The following ACP3 variants were observed in gnomAD, a reference collection of about 807,000 sequenced individuals.
The protein encoded by ACP3 is prostatic acid phosphatase.
A neutral mutation model predicts 45.6 loss-of-function variants in ACP3; 38 were observed. The ratio of observed to expected loss-of-function variants is 0.83; its 90% CI spans 0.64 to 1.09. The LOEUF (loss-of-function observed/expected upper bound fraction) is 1.09, where lower values mean the gene tolerates loss of function less well. ACP3 is among the 50% of genes least tolerant of loss of function. The pLI is 0.00. For missense variants in ACP3, 466 were observed against 463.2 expected (o/e 1.01, Z -0.05); for synonymous variants, 162 against 164.7 (o/e 0.98, Z 0.13).
intron 10 of ACP3, chr3:132,367,623 C>A: frequency 2.7e-6 from 3 of 1,118,120 alleles, no homozygotes; most frequent in African/African-American, 1.5e-5. Flanking sequence ...GCAATTAAGG[C>A]AGAAAGCAAC....
chr3:132,341,141 G>C (rs1937548607), intron 5 of ACP3, among the ~76,000 whole-genome samples: 1 of 151,942 alleles, frequency 6.6e-6, no homozygotes, highest in Non-Finnish European at 1.5e-5. Flanking sequence ...TCTTCCTTTT[G>C]CCTATTTGCA....
intron 7 of ACP3, among the ~76,000 whole-genome samples, chr3:132,347,276 G>A (rs2107810591): frequency 6.6e-6 from 1 of 152,298 alleles, no homozygotes; most frequent in East Asian, 1.9e-4. Context: ...CAAAAGCTCA[G>A]ACTATTATTC....
chr3:132,339,545 AC>A (rs57037341), intron 5 of ACP3, among the ~76,000 whole-genome samples: 5,520 of 152,316 alleles, frequency 0.036, 280 homozygotes, highest in African/African-American at 0.12. Flanking sequence ...TGGGGTTCCC[AC>A]AACTTCCTCT....
chr3:132,356,672 C>T lies in ACP3; in HGVS notation c.969-14C>T, dbSNP rs748905958. The T allele has an allele frequency of 8.7e-6, 14 of 1,613,458 alleles. No individual in the cohort carries two copies. Among genetic ancestry groups the T allele is most frequent in the Middle Eastern group, 1.8e-4 (1 of 5,660 alleles). On this transcript the variant is annotated splice_polypyrimidine_tract_variant and intron_variant, in intron 9 of 9. Transcript: ENST00000336375. ...AGAACTAACAGAGCTCTCTCCTCTG[C>T]CTTTGTCTGCCAGGGAGTACTTTGT...
chr3:132,341,565 T>C (rs922993722), intron 5 of ACP3, among the ~76,000 whole-genome samples: 6 of 152,248 alleles, frequency 3.9e-5, no homozygotes, highest in African/African-American at 1.2e-4. Context: ...ATTGAACTAA[T>C]AGTTTTATTT....
At chr3:132,348,922 G>A (rs1172240055) in intron 7 of ACP3, among the ~76,000 whole-genome samples, 1 of 149,330 alleles carries the variant, frequency 6.7e-6, no homozygotes, top group Non-Finnish European at 1.5e-5. Flanking sequence ...TAGCTGCTCA[G>A]TGTGTGTTTG....
At chr3:132,367,995 A>G in exon 11 of ACP3, 1 of 586,088 alleles carries the variant, frequency 1.7e-6, no homozygotes, top group Non-Finnish European at 3.1e-6. Flanking sequence ...CTGCTGGATG[A>G]ACACTCAGGC....
intron 8 of ACP3, among the ~76,000 whole-genome samples, chr3:132,351,890 T>A (rs2107814455): frequency 6.6e-6 from 1 of 152,346 alleles, no homozygotes; most frequent in African/African-American, 2.4e-5. Flanking sequence ...CACTCCCCTA[T>A]ACCTTCCAGC....
At chr3:132,340,201 G>A (rs1301249141) in intron 5 of ACP3, among the ~76,000 whole-genome samples, 1 of 151,802 alleles carries the variant, frequency 6.6e-6, no homozygotes, top group Non-Finnish European at 1.5e-5. Flanking sequence ...TGTAATCCCA[G>A]CTACTCAGGA....
At chr3:132,342,467 C>A in intron 5 of ACP3, 85 bp from the exon 6 acceptor site, 1 of 963,946 alleles carries the variant, frequency 1.0e-6, no homozygotes, top group Non-Finnish European at 1.6e-6. Flanking sequence ...CTCCCTACAA[C>A]AAACAATTGT....
chr3:132,331,627 C>T lies in ACP3; in HGVS notation c.217-20C>T, dbSNP rs1267750721. 1 of 1,555,600 alleles carries T rather than the reference C, an allele frequency of 6.4e-7. No homozygotes were observed. The highest frequency in any genetic ancestry group is 2.3e-5 in the East Asian group (1 of 43,450). On this transcript the variant is annotated intron_variant, in intron 2 of 9. Transcript: ENST00000336375. ...TAGAACTTACTTTCATTAATTTTTGCTTTTATTTTTTTCCCATAGCTGGGC... is the reference window on the plus strand; with the variant it reads ...TAGAACTTACTTTCATTAATTTTTGTTTTTATTTTTTTCCCATAGCTGGGC...
At position 132,337,660 on chromosome 3, in the gene ACP3, G is replaced by A. The variant is rs1937513292; in HGVS notation, c.555+106G>A. 1.4e-5 allele frequency: 9 copies of A among 662,268 alleles called. No individual in the cohort carries two copies. The South Asian group carries it at 1.4e-4, about 10-fold the overall frequency. The allele number at this position is 662,268 out of a possible 1,614,324, so 41.0% of individuals were successfully genotyped here. A position where few individuals can be genotyped will look rare whatever the true frequency, so the allele number is the denominator to read the frequency against. On this transcript the variant is annotated intron_variant, in intron 5 of 9. Coordinates refer to ENST00000336375, the MANE Select transcript of ACP3 (RefSeq NM_001099.5). ...CTTTGGCTTCTTAAAAAGATGGGAC[G>A]AATGCATCTGTCAGTGGCTGGTTAC...
intron 9 of ACP3, among the ~76,000 whole-genome samples, chr3:132,354,382 A>G (rs963220197): frequency 6.6e-6 from 1 of 152,158 alleles, no homozygotes; most frequent in African/African-American, 2.4e-5. Context: ...TTAAATCTAT[A>G]TTACAAATCA....
At chr3:132,321,787 G>A (rs947065580) in intron 1 of ACP3, among the ~76,000 whole-genome samples, 4 of 152,162 alleles carry the variant, frequency 2.6e-5, no homozygotes, top group Non-Finnish European at 4.4e-5. Context: ...TTGCTCAATA[G>A]GTAGTGCTCA....
chr3:132,339,237 G>C (rs894011297), intron 5 of ACP3, among the ~76,000 whole-genome samples: 2 of 115,458 alleles, frequency 1.7e-5, no homozygotes, highest in South Asian at 5.8e-4. Context: ...TTTTGTGTGT[G>C]AAAAAAAACA....
chr3:132,347,647 AT>A (rs939605365), intron 7 of ACP3, among the ~76,000 whole-genome samples: 1 of 151,468 alleles, frequency 6.6e-6, no homozygotes, highest in African/African-American at 2.4e-5. Context: ...GCCCAGCTAA[AT>A]TTTTTTTAAA....
intron 10 of ACP3, among the ~76,000 whole-genome samples, chr3:132,365,336 T>C (rs1440315108): frequency 2.6e-5 from 4 of 152,222 alleles, no homozygotes; most frequent in Non-Finnish European, 5.9e-5. Context: ...CAAGATGCAC[T>C]TTTAAATGGG....
chr3:132,351,851 T>A (rs141629385), intron 8 of ACP3, among the ~76,000 whole-genome samples: 33 of 152,316 alleles, frequency 2.2e-4, no homozygotes, highest in African/African-American at 7.7e-4. Flanking sequence ...ATTAGATAGC[T>A]AATCAGTGGC....
At chr3:132,360,315 G>GAAAA (rs35028722), downstream of ACP3, among the ~76,000 whole-genome samples, 1 of 131,580 alleles carries the variant, frequency 7.6e-6, no homozygotes, top group East Asian at 2.1e-4. Flanking sequence ...TAATTCATTG[G>GAAAA]AAAAAAAAAA....
Sources: allele counts gnomAD v4.1 joint callset (sites outside exome capture counted in the v4.1 genomes callset), GRCh38; gene constraint gnomAD v4.1.1; transcripts MANE v1.5; gene names NCBI Gene and HGNC (gene_info 2026-07-23, HGNC 2026-07-21).